FBXL17: variants seen among roughly 807,000 people sequenced by gnomAD.
The protein encoded by FBXL17 is F-box and leucine rich repeat protein 17.
In FBXL17, 22 loss-of-function variants were observed where a neutral mutation model predicts 66.2. The ratio of observed to expected loss-of-function variants is 0.33; its 90% confidence interval spans 0.24 to 0.47. The LOEUF (loss-of-function observed/expected upper bound fraction) is 0.47. FBXL17 is among the 20% of genes least tolerant of loss of function. The pLI is 1.00. For missense variants in FBXL17, 878 were observed against 948.2 expected, an observed-to-expected ratio of 0.93 and a Z score of 0.97; for synonymous variants, 474 against 400.5, an observed-to-expected ratio of 1.18 and a Z score of -2.19.
intron 4 of FBXL17, among the ~76,000 whole-genome samples, chr5:108,232,402 A>G (rs1255853330): frequency 6.6e-6 from 1 of 151,918 alleles, no homozygotes; most frequent in Non-Finnish European, 1.5e-5. Context: ...CAAGGGGTGG[A>G]CTTGTGATGA....
intron 7 of FBXL17, among the ~76,000 whole-genome samples, chr5:107,958,166 A>T (rs903445888): frequency 6.6e-6 from 1 of 151,992 alleles, no homozygotes; most frequent in African/African-American, 2.4e-5. Context: ...CATGAGTAAA[A>T]AGAAAAGGAG....
chr5:107,960,411 C>A (rs1223277871), intron 7 of FBXL17, among the ~76,000 whole-genome samples: 2 of 152,106 alleles, frequency 1.3e-5, no homozygotes, highest in Non-Finnish European at 2.9e-5. Flanking sequence ...AAAACATATT[C>A]CTTCTCTCTA....
At chr5:107,954,233 A>G (rs1751588773) in intron 7 of FBXL17, among the ~76,000 whole-genome samples, 1 of 152,260 alleles carries the variant, frequency 6.6e-6, no homozygotes, top group South Asian at 2.1e-4. Context: ...GTATGAGAAA[A>G]GTTATGCACA....
At position 108,381,259 on chromosome 5, in the gene FBXL17, C is replaced by G; in HGVS notation, c.433G>C (p.Gly145Arg). 1 of 1,435,130 alleles carries G rather than the reference C, an allele frequency of 7.0e-7. No homozygotes were observed. The highest frequency in any genetic ancestry group is 2.1e-4 in the Middle Eastern group (1 of 4,828). The allele number at this position is 1,435,130 out of a possible 1,614,324, so 88.9% of individuals were successfully genotyped here. The change falls in exon 1 of 9, where the codon GGG (glycine) becomes CGG (arginine). Residue 145 changes from glycine to arginine, a missense_variant. Transcript: ENST00000542267. ...SSPASCCKEL[G>R]LAAAAAWEQQ... ...TCCCAGGCGGCGGCCGCAGCCAGCCCCAACTCTTTGCAGCAGGAGGCGGGC... is the reference window on the plus strand; with the variant it reads ...TCCCAGGCGGCGGCCGCAGCCAGCCGCAACTCTTTGCAGCAGGAGGCGGGC...
chr5:107,903,445 A>G (rs1308845802), intron 7 of FBXL17, among the ~76,000 whole-genome samples: 1 of 152,208 alleles, frequency 6.6e-6, no homozygotes, highest in Non-Finnish European at 1.5e-5. Flanking sequence ...CTGTTTTTAT[A>G]GTCCAAACAT....
At chr5:108,291,281 A>C (rs1329244924) in intron 4 of FBXL17, among the ~76,000 whole-genome samples, 1 of 152,206 alleles carries the variant, frequency 6.6e-6, no homozygotes, top group Non-Finnish European at 1.5e-5. Context: ...AAAAAACTAC[A>C]AATAGTTCAC....
Position 108,266,986 on chromosome 5 carries a change from T to C in FBXL17, c.1507-42758A>G, listed in dbSNP as rs756505906. ...AGATTTAGATTTTAGATTTATTCTA[T>C]GGCATAATTTTATATTTATTCTATA... is the stretch of plus-strand genomic sequence containing the variant. On this transcript the variant is annotated intron_variant, in intron 4 of 8. Transcript: ENST00000542267. Among the ~76,000 whole-genome samples, 4 of 152,148 alleles carry C rather than the reference T, an allele frequency of 2.6e-5. No individual in the cohort carries two copies. The East Asian group carries it at 5.8e-4, about 22-fold the overall frequency.
At chr5:108,303,302 T>C (rs2150182635) in intron 4 of FBXL17, among the ~76,000 whole-genome samples, 1 of 150,962 alleles carries the variant, frequency 6.6e-6, no homozygotes, top group African/African-American at 2.4e-5. Context: ...CAGAACAAAT[T>C]TCTAGTCTCA....
intron 5 of FBXL17, among the ~76,000 whole-genome samples, chr5:108,213,153 C>T (rs1413619656): frequency 2.6e-5 from 4 of 152,084 alleles, no homozygotes; most frequent in African/African-American, 4.8e-5. Context: ...CTCCCCCTAC[C>T]GAGCTTGAGC....
In FBXL17 at chr5:107,875,608, G is replaced by A. The variant is rs535343399; in HGVS notation, c.1965+5429C>T. Among the ~76,000 whole-genome samples, 21 of 152,186 alleles carry A rather than the reference G, an allele frequency of 1.4e-4. No individual in the cohort carries two copies. The South Asian group carries it at 4.4e-3, about 32-fold the overall frequency. Reference sequence around the variant, plus strand: ...TTTCTATTACTTGCTTTCTGTATTGGCTTCTTATGGATTTGATTTTAAAAA... The same window carrying A: ...TTTCTATTACTTGCTTTCTGTATTGACTTCTTATGGATTTGATTTTAAAAA... On this transcript the variant is annotated intron_variant, in intron 8 of 8. Transcript: ENST00000542267.
intron 7 of FBXL17, among the ~76,000 whole-genome samples, chr5:107,975,498 T>G (rs939257631): frequency 4.6e-5 from 7 of 152,242 alleles, no homozygotes; most frequent in African/African-American, 1.4e-4. Flanking sequence ...ATATTTGTTT[T>G]TTATTCTATA....
intron 4 of FBXL17, among the ~76,000 whole-genome samples, chr5:108,320,215 C>T (rs1292102787): frequency 1.3e-5 from 2 of 151,486 alleles, no homozygotes; most frequent in Non-Finnish European, 3.0e-5. Flanking sequence ...ATATTTCATT[C>T]TTTCTTTAAG....
chr5:108,286,872 C>G (rs1757920404), intron 4 of FBXL17, among the ~76,000 whole-genome samples: 2 of 151,876 alleles, frequency 1.3e-5, no homozygotes, highest in South Asian at 2.1e-4. Context: ...ACCATGTTCC[C>G]TGACTTTATA....
chr5:108,038,106 C>T (rs77451203), intron 6 of FBXL17, among the ~76,000 whole-genome samples: 3,561 of 152,056 alleles, frequency 0.023, 55 homozygotes, highest in Non-Finnish European at 0.035. Flanking sequence ...AAATAGGGAA[C>T]GGGATGTTAG....
chr5:108,126,047 G>A (rs999409276), intron 6 of FBXL17, among the ~76,000 whole-genome samples: 1 of 151,990 alleles, frequency 6.6e-6, no homozygotes, highest in African/African-American at 2.4e-5. Flanking sequence ...GATGGAATGG[G>A]GCTTTTGAGA....
At chr5:108,136,411 T>G (rs1751136169) in intron 6 of FBXL17, among the ~76,000 whole-genome samples, 1 of 152,170 alleles carries the variant, frequency 6.6e-6, no homozygotes, top group Non-Finnish European at 1.5e-5. Flanking sequence ...CAAGTTTCTG[T>G]AATACATTTC....
At chr5:108,291,796 T>C (rs1014347608) in intron 4 of FBXL17, among the ~76,000 whole-genome samples, 5 of 152,126 alleles carry the variant, frequency 3.3e-5, no homozygotes, top group African/African-American at 1.2e-4. Context: ...GGACTAGCAG[T>C]TTAAGCCAGA....
chr5:108,179,258 A>G (rs1291225094), intron 6 of FBXL17, among the ~76,000 whole-genome samples: 3 of 152,198 alleles, frequency 2.0e-5, no homozygotes, highest in African/African-American at 7.2e-5. Flanking sequence ...GAAATTTGAA[A>G]GAAGAAACAG....
At chr5:108,195,266 G>C (rs1753634358) in intron 5 of FBXL17, among the ~76,000 whole-genome samples, 1 of 152,070 alleles carries the variant, frequency 6.6e-6, no homozygotes, top group Non-Finnish European at 1.5e-5. Context: ...GGGAAGATGG[G>C]TGTAATTTTA....
Sources: allele counts gnomAD v4.1 joint callset (sites outside exome capture counted in the v4.1 genomes callset), GRCh38; gene constraint gnomAD v4.1.1; transcripts MANE v1.5; gene names NCBI Gene and HGNC (gene_info 2026-07-23, HGNC 2026-07-21).